Variants in NPSR1 observed in about 807,000 individuals in gnomAD.
The protein encoded by NPSR1 is neuropeptide S receptor 1, also known as neuropeptide S receptor.
A neutral mutation model predicts 46.9 loss-of-function variants in NPSR1; 48 were observed. That is an observed-to-expected ratio of 1.02 (90% CI 0.81 to 1.30). The LOEUF is 1.30. NPSR1 is among the 50% of genes most tolerant of loss of function. The pLI, the probability that NPSR1 is intolerant of heterozygous loss-of-function variation, is 0.00. For missense variants in NPSR1, 450 were observed against 449.5 expected (o/e 1.00, Z -0.01); for synonymous variants, 176 against 168.1 (o/e 1.05, Z -0.36).
intron 3 of NPSR1, among the ~76,000 whole-genome samples, chr7:34,805,291 T>G (rs1788638908): frequency 6.6e-6 from 1 of 151,826 alleles, no homozygotes; most frequent in Non-Finnish European, 1.5e-5. Context: ...ACTATAAAGC[T>G]TCATAATCAA....
intron 7 of NPSR1, among the ~76,000 whole-genome samples, chr7:34,847,849 A>G (rs1024635275): frequency 6.6e-6 from 1 of 152,288 alleles, no homozygotes; most frequent in East Asian, 1.9e-4. Context: ...AAAATTAACC[A>G]TCACACCTGA....
chr7:34,840,040 T>C (rs1790509485), intron 6 of NPSR1, among the ~76,000 whole-genome samples: 1 of 152,130 alleles, frequency 6.6e-6, no homozygotes, highest in South Asian at 2.1e-4. Context: ...CTGCTTCTGC[T>C]TGAGCTGAGG....
chr7:34,796,037 A>G (rs1194884361), intron 3 of NPSR1, among the ~76,000 whole-genome samples: 3 of 152,202 alleles, frequency 2.0e-5, no homozygotes, highest in African/African-American at 7.2e-5. Flanking sequence ...ACAGTGTGCT[A>G]TTAGTGAAAG....
intron 2 of NPSR1, among the ~76,000 whole-genome samples, chr7:34,735,561 G>C (rs1784630560): frequency 1.3e-5 from 2 of 152,204 alleles, no homozygotes; most frequent in African/African-American, 4.8e-5. Context: ...TATAAGAGCT[G>C]AAAATGTGAG....
At chr7:34,867,173 T>C (rs1329472275) in intron 8 of NPSR1, among the ~76,000 whole-genome samples, 1 of 151,042 alleles carries the variant, frequency 6.6e-6, no homozygotes, top group African/African-American at 2.5e-5. Context: ...AGAAAGGGAG[T>C]GATTGTCCTG....
At chr7:34,756,747 G>A (rs991318595) in intron 2 of NPSR1, among the ~76,000 whole-genome samples, 4 of 152,146 alleles carry the variant, frequency 2.6e-5, no homozygotes, top group Non-Finnish European at 5.9e-5. Context: ...AAAGTCTAGC[G>A]ACCTGAATTC....
chr7:34,856,934 T>A (rs1791063967), intron 8 of NPSR1, among the ~76,000 whole-genome samples: 1 of 151,584 alleles, frequency 6.6e-6, no homozygotes, highest in South Asian at 2.1e-4. Context: ...TCTTCTAGCA[T>A]CTGCTGATCT....
intron 2 of NPSR1, among the ~76,000 whole-genome samples, chr7:34,697,738 C>A (rs944080432): frequency 1.3e-5 from 2 of 151,340 alleles, no homozygotes; most frequent in Non-Finnish European, 3.0e-5. Flanking sequence ...GGATGTGGAA[C>A]CCACAGATAA....
chr7:34,665,465 A>T (rs532145163), intron 1 of NPSR1, among the ~76,000 whole-genome samples: 2 of 152,334 alleles, frequency 1.3e-5, no homozygotes, highest in Admixed American at 6.5e-5. Flanking sequence ...CTTCTGGCAG[A>T]TAAAACCCAA....
chr7:34,795,402 A>G (rs1788129336), intron 3 of NPSR1, among the ~76,000 whole-genome samples: 1 of 152,190 alleles, frequency 6.6e-6, no homozygotes, highest in South Asian at 2.1e-4. Flanking sequence ...ATCATTGTAC[A>G]GTAAGTCCTA....
chr7:34,782,104 T>G (rs1484017366), intron 3 of NPSR1, among the ~76,000 whole-genome samples: 1 of 152,166 alleles, frequency 6.6e-6, no homozygotes, highest in African/African-American at 2.4e-5. Context: ...TGAAAGACTG[T>G]GTTCTCAGCT....
At chr7:34,845,629 G>A in intron 7 of NPSR1, 1 of 454,216 alleles carries the variant, frequency 2.2e-6, no homozygotes, top group Non-Finnish European at 4.4e-6. Context: ...TCTTTACTCT[G>A]CCTTATTTTT....
chr7:34,829,105 AT>A (rs563249231), intron 5 of NPSR1, among the ~76,000 whole-genome samples: 69 of 152,318 alleles, frequency 4.5e-4, no homozygotes, highest in African/African-American at 1.6e-3. Context: ...CTTTAGTCTA[AT>A]AAAATACTAT....
intron 2 of NPSR1, among the ~76,000 whole-genome samples, chr7:34,752,916 T>C (rs1264261563): frequency 6.6e-6 from 1 of 152,188 alleles, no homozygotes. Context: ...TCCCAGAAGA[T>C]TTTGCCAATC....
At chr7:34,661,299 G>A (rs187604319) in intron 1 of NPSR1, among the ~76,000 whole-genome samples, 3 of 152,032 alleles carry the variant, frequency 2.0e-5, no homozygotes, top group Admixed American at 1.3e-4. Flanking sequence ...GACCAAAGTC[G>A]GTTCTAGATT....
intron 2 of NPSR1, among the ~76,000 whole-genome samples, chr7:34,762,845 T>C (rs1024689835): frequency 6.6e-6 from 1 of 152,208 alleles, no homozygotes; most frequent in African/African-American, 2.4e-5. Flanking sequence ...CTCCCTTATT[T>C]AGTGTGACAA....
intron 2 of NPSR1, among the ~76,000 whole-genome samples, chr7:34,757,140 T>C (rs1472686487): frequency 6.6e-6 from 1 of 152,212 alleles, no homozygotes; most frequent in Non-Finnish European, 1.5e-5. Context: ...ATATTTGTAT[T>C]GCACTTACAG....
intron 2 of NPSR1, among the ~76,000 whole-genome samples, chr7:34,739,270 T>G (rs1189117863): frequency 6.6e-6 from 1 of 152,248 alleles, no homozygotes; most frequent in Non-Finnish European, 1.5e-5. Context: ...GTAAAATTGC[T>G]GGGTCATATG....
chr7:34,865,996 C>T (rs1396694545), intron 8 of NPSR1, among the ~76,000 whole-genome samples: 1 of 151,826 alleles, frequency 6.6e-6, no homozygotes, highest in African/African-American at 2.4e-5. Context: ...CCTTCCCTGC[C>T]TTTATTTGAA....
Sources: allele counts gnomAD v4.1 joint callset (sites outside exome capture counted in the v4.1 genomes callset), GRCh38; gene constraint gnomAD v4.1.1; transcripts MANE v1.5; gene names NCBI Gene and HGNC (gene_info 2026-07-23, HGNC 2026-07-21).